Variants in LARS1 observed in about 807,000 individuals in gnomAD.
LARS1 encodes the protein leucyl-tRNA synthetase 1.
A neutral mutation model predicts 162.8 loss-of-function variants in LARS1; 100 were observed. The ratio of observed to expected loss-of-function variants is 0.61; its 90% CI spans 0.52 to 0.73. The LOEUF (loss-of-function observed/expected upper bound fraction) is 0.73. LARS1 is among the 30% of genes least tolerant of loss of function. LARS1 has a pLI of 0.00. For missense variants in LARS1, 1,258 were observed against 1,408.9 expected (o/e 0.89, Z 1.71); for synonymous variants, 457 against 462.8 (o/e 0.99, Z 0.16).
At chr5:146,139,841 C>CTCCAGTG (rs1167533379) in intron 21 of LARS1, 2 of 149,230 alleles carry the variant, frequency 1.3e-5, no homozygotes, top group African/African-American at 6.0e-5. Context: ...CGTCACTGCA[C>CTCCAGTG]TCCAGTGTGG....
At chr5:146,151,379 G>A (rs1030708596) in intron 14 of LARS1, among the ~76,000 whole-genome samples, 2 of 152,092 alleles carry the variant, frequency 1.3e-5, no homozygotes, top group African/African-American at 4.8e-5. Context: ...TCTTTCCATG[G>A]AAATATAAAC....
At chr5:146,163,020 G>A (rs1231103294) in intron 6 of LARS1, among the ~76,000 whole-genome samples, 1 of 152,164 alleles carries the variant, frequency 6.6e-6, no homozygotes, top group Non-Finnish European at 1.5e-5. Flanking sequence ...AGGTGGCCAG[G>A]CTGGTCTCGA....
At chr5:146,154,798 T>C (rs540202492) in intron 10 of LARS1, among the ~76,000 whole-genome samples, 38 of 152,082 alleles carry the variant, frequency 2.5e-4, no homozygotes, top group Non-Finnish European at 4.4e-4. Context: ...GAAAAGAATA[T>C]AAATAAAATA....
intron 15 of LARS1, among the ~76,000 whole-genome samples, chr5:146,146,848 G>T (rs1014125463): frequency 5.9e-5 from 9 of 151,746 alleles, no homozygotes; most frequent in African/African-American, 1.9e-4. Flanking sequence ...CGAATAGCTG[G>T]AATTAGAGGC....
chr5:146,133,235 A>G (rs575586271), intron 22 of LARS1, among the ~76,000 whole-genome samples, 154 bp from the exon 23 acceptor site: 1 of 152,310 alleles, frequency 6.6e-6, no homozygotes, highest in African/African-American at 2.4e-5. Flanking sequence ...AATTAAAATC[A>G]CCAAAAAGTA....
intron 14 of LARS1, among the ~76,000 whole-genome samples, chr5:146,150,651 A>G (rs1034685422): frequency 1.4e-5 from 2 of 145,654 alleles, no homozygotes; most frequent in African/African-American, 4.9e-5. Context: ...AAAGAACACA[A>G]ATCTGGCCAG....
intron 10 of LARS1, among the ~76,000 whole-genome samples, chr5:146,156,650 C>T (rs1561820913): frequency 6.6e-6 from 1 of 151,268 alleles, no homozygotes. Context: ...GCTGAGATCG[C>T]GCCACTGAAC....
chr5:146,165,203 A>G (rs4705398), intron 5 of LARS1, among the ~76,000 whole-genome samples: 33,838 of 151,954 alleles, frequency 0.22, 4,828 homozygotes, highest in Admixed American at 0.34. Context: ...GCATGGTGGC[A>G]AGCGCCCGTA....
chr5:146,149,560 A>T, intron 15 of LARS1, 62 bp downstream of exon 15: 1 of 1,159,118 alleles, frequency 8.6e-7, no homozygotes. Flanking sequence ...ACTGCTAATA[A>T]CACTGTCAAG....
At chr5:146,154,006 A>G in intron 10 of LARS1, 26 bp from the exon 11 acceptor site, 1 of 1,464,222 alleles carries the variant, frequency 6.8e-7, no homozygotes, top group Non-Finnish European at 9.4e-7. Context: ...ATCAATATAA[A>G]AGGTGAAGTA....
chr5:146,131,083 GT>G lies in LARS1; in HGVS notation c.2422del (p.Thr808GlnfsTer8). ...ASELNAGIIK[T>X]DQNYEKMMFK... ...CATCATCTTTTCATAGTTTTGATCT[GT>G]TTTTATAATTCCTGCATTCAATTCA... On this transcript the variant is annotated frameshift_variant, in exon 24 of 32. Transcript: ENST00000394434. LOFTEE classifies it high-confidence loss of function. The G allele has an allele frequency of 6.3e-7, 1 of 1,585,502 alleles. No homozygotes were observed. Among genetic ancestry groups the G allele is most frequent in the East Asian group, 2.3e-5 (1 of 44,014 alleles).
intron 14 of LARS1, among the ~76,000 whole-genome samples, chr5:146,150,159 C>T (rs1038906301): frequency 1.5e-5 from 2 of 137,282 alleles, no homozygotes; most frequent in Non-Finnish European, 3.3e-5. Flanking sequence ...GAGGCCTACT[C>T]TTTCACCTCT....
At chr5:146,139,356 A>AG (rs1348799291) in intron 21 of LARS1, among the ~76,000 whole-genome samples, 12 of 93,320 alleles carry the variant, frequency 1.3e-4, no homozygotes, top group Admixed American at 7.0e-4. Flanking sequence ...AAAAAAAAAA[A>AG]AAAAGAAAAA....
intron 31 of LARS1, among the ~76,000 whole-genome samples, chr5:146,118,222 G>A (rs1484166084): frequency 1.3e-5 from 2 of 152,182 alleles, no homozygotes; most frequent in African/African-American, 2.4e-5. Flanking sequence ...CAACATGGAT[G>A]AGGCTGGAAG....
At chr5:146,145,479 G>C (rs921200195) in intron 15 of LARS1, among the ~76,000 whole-genome samples, 1 of 151,852 alleles carries the variant, frequency 6.6e-6, no homozygotes, top group Non-Finnish European at 1.5e-5. Context: ...AAGATTTATA[G>C]TGCCATGAAA....
chr5:146,157,579 C>G lies in LARS1; in HGVS notation c.889G>C (p.Glu297Gln). 6.2e-7 allele frequency: 1 copy of G among 1,614,070 alleles called. No individual in the cohort carries two copies. ...CAATTTGTCTGCCCAAACATGGTCT[C>G]AGGTCTGAGAGTAGCAGCCACCAAG... ...IFLVAATLRP[E>Q]TMFGQTNCWV... The change falls in exon 10 of 32, where the codon GAG becomes CAG. Residue 297 changes from glutamate to glutamine, a missense_variant. Transcript: ENST00000394434.
At chr5:146,141,208 T>TA (rs1752763414) in intron 20 of LARS1, among the ~76,000 whole-genome samples, 3 of 152,202 alleles carry the variant, frequency 2.0e-5, no homozygotes, top group Admixed American at 6.5e-5. Flanking sequence ...TTTGCATACT[T>TA]GTACTATCTT....
In LARS1 at chr5:146,122,561, G is replaced by A. The variant is rs1309587348; in HGVS notation, c.3123C>T (p.Ala1041=). The part of the protein sequence containing the change: ...LELEHIEVKF[A]SEAEDKIRED... The stretch of plus-strand genomic sequence containing the variant: ...CCCTGATTTTATCTTCTGCTTCGGA[G>A]GCAAACTTGACTTCTATGTGTTCTA... The change falls in exon 30 of 32, where the codon GCC becomes GCT. Residue 1041 remains alanine, a synonymous_variant. Transcript: ENST00000394434. 2 of 1,609,364 alleles carry A rather than the reference G, an allele frequency of 1.2e-6. No individual in the cohort carries two copies. The highest frequency in any genetic ancestry group is 2.7e-5 in the African/African-American group (2 of 74,694).
chr5:146,128,013 T>C (rs1288348468), intron 27 of LARS1, among the ~76,000 whole-genome samples: 1 of 152,182 alleles, frequency 6.6e-6, no homozygotes, highest in Non-Finnish European at 1.5e-5. Flanking sequence ...TAGCAATAAC[T>C]GTTTTAATAA....
Sources: gnomAD v4.1 joint callset for allele counts (sites outside exome capture counted in the v4.1 genomes callset) on GRCh38, gnomAD v4.1.1 for gene constraint, MANE v1.5 for transcripts, NCBI Gene and HGNC (gene_info 2026-07-23, HGNC 2026-07-21) for gene names.